DST: variants seen among roughly 807,000 people sequenced by gnomAD.
DST encodes the protein dystonin, also known as bullous pemphigoid antigen.
A neutral mutation model predicts 875.2 loss-of-function variants in DST; 253 were observed. The ratio of observed to expected loss-of-function variants is 0.29; its 90% confidence interval spans 0.26 to 0.32. DST has a LOEUF of 0.32. Among genes scored for constraint, DST ranks in the 10% least tolerant of loss-of-function variants. The pLI is 1.00. For missense variants in DST, 8,287 were observed against 9,111.6 expected (o/e 0.91, Z 3.68); for synonymous variants, 3,124 against 3,197.1 (o/e 0.98, Z 0.77).
intron 4 of DST, among the ~76,000 whole-genome samples, chr6:56,799,370 T>TA (rs1478394236): frequency 1.3e-5 from 2 of 149,914 alleles, no homozygotes; most frequent in Non-Finnish European, 2.9e-5. Flanking sequence ...TTTTTTTTTT[T>TA]AAATCACATA....
chr6:56,724,965 GTT>G (rs1221960665), intron 5 of DST, among the ~76,000 whole-genome samples: 1 of 148,696 alleles, frequency 6.7e-6, no homozygotes, highest in Non-Finnish European at 1.5e-5. Flanking sequence ...ATAACAGGCT[GTT>G]TTACACACAC....
Position 56,605,032 on chromosome 6 carries a change from G to T in DST, c.9596C>A (p.Pro3199Gln). The change falls in exon 40 of 104, where the codon CCA becomes CAA. Residue 3199 changes from proline (P) to glutamine (Q), a missense_variant. Coordinates refer to ENST00000680361, the MANE Select transcript of DST (RefSeq NM_001374736.1). Reference sequence around the variant, plus strand: ...AACATGGCTTGGGACATCTTCATTTGGTTTGGCTACATCTTTTGCTTTTAT... The same window carrying T: ...AACATGGCTTGGGACATCTTCATTTTGTTTGGCTACATCTTTTGCTTTTAT... The part of the protein sequence containing the change: ...KNIKAKDVAK[P>Q]NEDVPSHVLI... The T allele has an allele frequency of 6.2e-7, 1 of 1,612,696 alleles. No individual in the cohort carries two copies. The highest frequency in any genetic ancestry group is 2.2e-5 in the East Asian group (1 of 44,830).
intron 4 of DST, among the ~76,000 whole-genome samples, chr6:56,751,318 G>T (rs2152952215): frequency 6.6e-6 from 1 of 152,252 alleles, no homozygotes; most frequent in African/African-American, 2.4e-5. Context: ...ATGCTTGGAA[G>T]TGCCTAAGAA....
intron 2 of DST, among the ~76,000 whole-genome samples, chr6:56,944,852 C>G (rs1412379767): frequency 6.6e-6 from 1 of 152,186 alleles, no homozygotes; most frequent in Admixed American, 6.5e-5. Context: ...ACAGTTCTGG[C>G]CAGTGAAGGG....
At chr6:56,850,028 C>T (rs940470008) in intron 4 of DST, among the ~76,000 whole-genome samples, 2 of 152,188 alleles carry the variant, frequency 1.3e-5, no homozygotes, top group Admixed American at 6.5e-5. Context: ...CGGGAAAGTT[C>T]TCAACAGGGC....
At chr6:56,769,828 AAAG>A (rs1413075220) in intron 4 of DST, among the ~76,000 whole-genome samples, 3 of 152,210 alleles carry the variant, frequency 2.0e-5, no homozygotes, top group Non-Finnish European at 4.4e-5. Flanking sequence ...CCCGTTTCAC[AAAG>A]AAGGAAAGAA....
rs1325313154 is a variant in DST, at chr6:56,511,282, G to A, written c.18695C>T (p.Ala6232Val). Residue 6232 changes from alanine to valine, a missense_variant, in exon 73 of 104, where the codon GCA becomes GTA. Coordinates refer to ENST00000680361, the MANE Select transcript of DST (RefSeq NM_001374736.1). ...EGFSIQEKYVAADTLYSQIKE... is the reference protein window; with the variant it reads ...EGFSIQEKYVVADTLYSQIKE... ...AATTTGACTGTAAAGGGTGTCGGCT[G>A]CCACATACTTCTCTTGGATAGAAAA... 1 of 1,603,264 alleles carries A rather than the reference G, an allele frequency of 6.2e-7. No homozygotes were observed.
chr6:56,536,686 A>G, intron 62 of DST, 93 bp downstream of exon 62: 1 of 1,259,902 alleles, frequency 7.9e-7, no homozygotes, highest in Non-Finnish European at 1.1e-6. Context: ...CATATTTAGA[A>G]AAGTTTGGCT....
chr6:56,514,820 A>G (rs941599597), intron 72 of DST, among the ~76,000 whole-genome samples: 1 of 152,224 alleles, frequency 6.6e-6, no homozygotes, highest in Admixed American at 6.5e-5. Flanking sequence ...AGAGGGCTTT[A>G]TGTGCCATTT....
At chr6:56,912,749 T>A (rs892084455) in intron 2 of DST, among the ~76,000 whole-genome samples, 43 of 152,220 alleles carry the variant, frequency 2.8e-4, no homozygotes, top group African/African-American at 9.4e-4. Context: ...CTCTCCACTC[T>A]GCTGGATTAT....
chr6:56,754,953 A>G (rs564633003), intron 4 of DST, among the ~76,000 whole-genome samples: 10 of 152,320 alleles, frequency 6.6e-5, no homozygotes, highest in African/African-American at 2.4e-4. Context: ...TAAAGAAAAT[A>G]TAATTGGATT....
chr6:56,779,993 G>C (rs1365130213), intron 4 of DST, among the ~76,000 whole-genome samples: 3 of 148,844 alleles, frequency 2.0e-5, no homozygotes, highest in African/African-American at 5.0e-5. Context: ...TTTTGTCCTT[G>C]AGATAGTTTA....
chr6:56,882,709 T>C (rs577094484), intron 3 of DST, among the ~76,000 whole-genome samples: 1 of 152,362 alleles, frequency 6.6e-6, no homozygotes, highest in East Asian at 1.9e-4. Flanking sequence ...TTAGCCATCA[T>C]CAAAATTTCA....
chr6:56,619,869 G>T (rs2098670821), intron 36 of DST: 2 of 1,613,966 alleles, frequency 1.2e-6, no homozygotes, highest in Non-Finnish European at 1.7e-6. Context: ...AGGGCATTAA[G>T]TTCATATGTC....
At chr6:56,742,520 AT>A (rs748747371) in intron 4 of DST, 330 of 377,492 alleles carry the variant, frequency 8.7e-4, no homozygotes, top group Non-Finnish European at 1.4e-3. Flanking sequence ...CTCCTCTACT[AT>A]TTTTGTAGGG....
At chr6:56,752,529 AGATT>A (rs112893442) in intron 4 of DST, among the ~76,000 whole-genome samples, 2,215 of 152,280 alleles carry the variant, frequency 0.015, 45 homozygotes, top group African/African-American at 0.051. Context: ...CTGACACTGT[AGATT>A]GATTAGCTCT....
intron 9 of DST, among the ~76,000 whole-genome samples, chr6:56,679,256 C>G (rs1450792546): frequency 6.6e-6 from 1 of 152,116 alleles, no homozygotes; most frequent in Non-Finnish European, 1.5e-5. Flanking sequence ...CACTCCACCA[C>G]CAAACCTTAA....
chr6:56,508,804 C>T (rs773902389), intron 74 of DST, 49 bp from the exon 75 acceptor site: 1 of 1,424,324 alleles, frequency 7.0e-7, no homozygotes, highest in African/African-American at 1.4e-5. Flanking sequence ...CCCCACGTAA[C>T]CAACAAAGCA....
intron 36 of DST, chr6:56,616,645 C>T (rs1323088978): frequency 1.9e-6 from 3 of 1,614,174 alleles, no homozygotes; most frequent in East Asian, 4.5e-5. Context: ...TGGCATTATT[C>T]AACAACCCCT....
Sources: gnomAD v4.1 joint callset for allele counts (sites outside exome capture counted in the v4.1 genomes callset) on GRCh38, gnomAD v4.1.1 for gene constraint, MANE v1.5 for transcripts, NCBI Gene and HGNC (gene_info 2026-07-23, HGNC 2026-07-21) for gene names.